EGFR: variants seen among roughly 807,000 people sequenced by gnomAD.
EGFR encodes epidermal growth factor receptor.
EGFR carries 58 observed loss-of-function variants against 143.0 expected under a neutral mutation model. The ratio of observed to expected loss-of-function variants is 0.41; its 90% confidence interval spans 0.33 to 0.50. The LOEUF (loss-of-function observed/expected upper bound fraction) is 0.50. Among genes scored for constraint, EGFR ranks in the 20% least tolerant of loss-of-function variants. EGFR has a pLI of 0.39. For missense variants in EGFR, 1,307 were observed against 1,579.0 expected, an observed-to-expected ratio of 0.83 and a Z score of 2.92; for synonymous variants, 613 against 594.4, an observed-to-expected ratio of 1.03 and a Z score of -0.45.
chr7:55,158,639 T>C (rs1299957896), intron 11 of EGFR, among the ~76,000 whole-genome samples: 1 of 152,224 alleles, frequency 6.6e-6, no homozygotes, highest in Non-Finnish European at 1.5e-5. Flanking sequence ...CCAGTTGGCT[T>C]AGTTGTAGGG....
chr7:55,188,347 A>C (rs1423501186), intron 20 of EGFR, among the ~76,000 whole-genome samples: 1 of 152,018 alleles, frequency 6.6e-6, no homozygotes, highest in Non-Finnish European at 1.5e-5. Context: ...GCCCCTGGGA[A>C]CACCCAGCCC....
At chr7:55,057,000 C>G (rs1323958537) in intron 1 of EGFR, among the ~76,000 whole-genome samples, 2 of 152,176 alleles carry the variant, frequency 1.3e-5, no homozygotes, top group African/African-American at 4.8e-5. Flanking sequence ...GTCAGAATCC[C>G]CGCAGAGTGG....
chr7:55,168,223 T>G (rs1786165031), intron 15 of EGFR, among the ~76,000 whole-genome samples: 1 of 152,254 alleles, frequency 6.6e-6, no homozygotes, highest in Non-Finnish European at 1.5e-5. Context: ...GAGCTAAGCC[T>G]CTGAAACAGA....
At chr7:55,166,338 T>G (rs1485489218) in intron 15 of EGFR, 1 of 569,490 alleles carries the variant, frequency 1.8e-6, no homozygotes, top group Admixed American at 2.0e-5. Flanking sequence ...ATCCTCAGCT[T>G]TGTTTGGAAC....
At chr7:55,095,076 C>T (rs909183952) in intron 1 of EGFR, among the ~76,000 whole-genome samples, 6 of 152,166 alleles carry the variant, frequency 3.9e-5, no homozygotes, top group African/African-American at 1.2e-4. Context: ...AAAGCAAGGA[C>T]ACAGAGGTGG....
chr7:55,109,893 G>A (rs1220160273), intron 1 of EGFR: 4 of 985,470 alleles, frequency 4.1e-6, no homozygotes, highest in East Asian at 2.3e-4. Flanking sequence ...GGCTGGTTGT[G>A]CATTTGCTGT....
Position 55,063,882 on chromosome 7 carries a change from T to C in EGFR, c.88+44517T>C, listed in dbSNP as rs1015901784. 2.2e-4 allele frequency among the ~76,000 whole-genome samples: 33 copies of C among 152,188 alleles called. 1 individual carries two copies. Among genetic ancestry groups the C allele is most frequent in the African/African-American group, 8.0e-4 (33 of 41,436 alleles). ...AAAAGAAAAATTCCAGTGAAATGAG[T>C]ACAGTCATTCTTAGGATTACTCACT... On this transcript the variant is annotated intron_variant, in intron 1 of 27. Coordinates refer to ENST00000275493, the MANE Select transcript of EGFR (RefSeq NM_005228.5).
chr7:55,095,174 C>T (rs766934790), intron 1 of EGFR, among the ~76,000 whole-genome samples: 2 of 152,194 alleles, frequency 1.3e-5, no homozygotes, highest in Non-Finnish European at 2.9e-5. Flanking sequence ...CTGCAGGTCC[C>T]GCAAGACACA....
rs1788064291 is a variant in EGFR at position 55,205,313 on chromosome 7, A to T, written c.3329A>T (p.Tyr1110Phe). 1 of 1,612,414 alleles carries T rather than the reference A, an allele frequency of 6.2e-7. No homozygotes were observed. Among genetic ancestry groups the T allele is most frequent in the Admixed American group, 1.7e-5 (1 of 59,936 alleles). ...GCTGGCTCTGTGCAGAATCCTGTCT[A>T]TCACAATCAGCCTCTGAACCCCGCG... ...RPAGSVQNPV[Y>F]HNQPLNPAPS... The change falls in exon 28 of 28, where the codon TAT becomes TTT. Residue 1110 changes from tyrosine to phenylalanine, a missense_variant. Physicochemically the swap from Tyr to Phe is conservative, Grantham distance 22. Transcript: ENST00000275493.
chr7:55,153,878 C>A, intron 6 of EGFR, 133 bp from the exon 7 acceptor site: 3 of 1,396,124 alleles, frequency 2.1e-6, no homozygotes, highest in South Asian at 1.2e-5. Flanking sequence ...TTTTCCCACA[C>A]TAGTGGAACA....
chr7:55,058,991 A>G (rs948789600), intron 1 of EGFR, among the ~76,000 whole-genome samples: 1 of 152,252 alleles, frequency 6.6e-6, no homozygotes, highest in Non-Finnish European at 1.5e-5. Context: ...ATAAATGGGG[A>G]AAAATCTGAA....
rs1264184731 is a variant in EGFR, at chr7:55,171,902, TAC to T, written c.1919+691_1919+692del. ...CCCCTCTGCCATCTCTGGTAACATT[TAC>T]AAAGTCCCTTCCTCACCACTGCCCT... On this transcript the variant is annotated intron_variant, in intron 16 of 27. Transcript: ENST00000275493. Among the ~76,000 whole-genome samples, 4 of 152,334 alleles carry T rather than the reference TAC, an allele frequency of 2.6e-5. No individual in the cohort carries two copies. In the East Asian group the frequency reaches 7.7e-4, roughly 29 times the overall value.
chr7:55,099,246 C>T (rs925423570), intron 1 of EGFR, among the ~76,000 whole-genome samples: 12 of 152,236 alleles, frequency 7.9e-5, no homozygotes, highest in Admixed American at 2.6e-4. Context: ...TCTCCCACAT[C>T]TCACTCAATT....
intron 1 of EGFR, among the ~76,000 whole-genome samples, chr7:55,049,295 T>A (rs2128873185): frequency 6.6e-6 from 1 of 152,198 alleles, no homozygotes; most frequent in East Asian, 1.9e-4. Flanking sequence ...AGAAGAGAAT[T>A]TGAATATAAC....
chr7:55,138,346 T>A (rs1200365893), intron 1 of EGFR, among the ~76,000 whole-genome samples: 1 of 152,246 alleles, frequency 6.6e-6, no homozygotes, highest in Non-Finnish European at 1.5e-5. Flanking sequence ...ATGCAAATAC[T>A]TTTAATTGTC....
chr7:55,143,509 G>A (rs944455554), intron 3 of EGFR, 21 bp downstream of exon 3: 4 of 1,614,070 alleles, frequency 2.5e-6, no homozygotes, highest in Non-Finnish European at 3.4e-6. Context: ...GGGATGCCAA[G>A]GCTGGGGGTT....
intron 1 of EGFR, among the ~76,000 whole-genome samples, chr7:55,021,010 G>T (rs1194236267): frequency 1.8e-4 from 28 of 152,114 alleles, no homozygotes; most frequent in Admixed American, 1.8e-3. Flanking sequence ...GATCTGTTGG[G>T]CAGCCAGATT....
intron 1 of EGFR, among the ~76,000 whole-genome samples, chr7:55,138,710 TC>T (rs1447027233): frequency 8.5e-5 from 13 of 152,366 alleles, no homozygotes; most frequent in Admixed American, 7.2e-4. Context: ...ATATATTTTT[TC>T]AATCTTCAAA....
intron 9 of EGFR, 21 bp from the exon 10 acceptor site, chr7:55,156,738 T>C: frequency 1.9e-6 from 3 of 1,614,196 alleles, no homozygotes; most frequent in Non-Finnish European, 2.5e-6. Flanking sequence ...TGATCAATAA[T>C]CACCCTGTTG....
Sources: gnomAD v4.1 joint callset for allele counts (sites outside exome capture counted in the v4.1 genomes callset) on GRCh38, gnomAD v4.1.1 for gene constraint, MANE v1.5 for transcripts, NCBI Gene and HGNC (gene_info 2026-07-23, HGNC 2026-07-21) for gene names.